TNS1: variants seen among roughly 807,000 people sequenced by gnomAD.
TNS1 encodes tensin-1.
Under a neutral mutation model 168.6 loss-of-function variants are expected in TNS1, and 62 were observed. That is an observed-to-expected ratio of 0.37 (90% CI 0.30 to 0.45). The LOEUF is 0.45. TNS1 is among the 20% of genes least tolerant of loss of function. The probability of loss-of-function intolerance (pLI) is 1.00; values close to 1 mark genes in which losing one functional copy is unlikely to be tolerated. For missense variants in TNS1, 2,240 were observed against 2,339.4 expected (o/e 0.96, Z 0.88); for synonymous variants, 934 against 933.2 (o/e 1.00, Z -0.02).
Position 217,932,775 on chromosome 2 carries a change from C to T in TNS1, c.187-12539G>A, listed in dbSNP as rs949646581. Among the ~76,000 whole-genome samples the T allele has an allele frequency of 6.6e-5, 10 of 152,184 alleles. 1 individual carries two copies. Among genetic ancestry groups the T allele is most frequent in the Admixed American group, 1.3e-4 (2 of 15,282 alleles). The stretch of plus-strand genomic sequence containing the variant: ...AGAACTTTCCATCAAAAAAATCCAC[C>T]GTTTTTCCTGAGCTCTGAATTCTTC... On this transcript the variant is annotated intron_variant, in intron 3 of 32. Transcript: ENST00000682258.
At position 217,902,847 on chromosome 2, in the gene TNS1, C is replaced by T. The variant is rs773496958; in HGVS notation, c.322-2335G>A. On this transcript the variant is annotated intron_variant, in intron 6 of 32. Transcript: ENST00000682258. The stretch of plus-strand genomic sequence containing the variant: ...AATCACTGGGCTGCCCTCTCACTGA[C>T]GGGGCTTCCTGTTTTCTGCAAAGTT... Among the ~76,000 whole-genome samples the T allele has an allele frequency of 2.6e-5, 4 of 152,178 alleles. No individual in the cohort carries two copies. In the South Asian group the frequency reaches 6.2e-4, roughly 24 times the overall value.
At chr2:217,902,288 C>A (rs1953094994) in intron 6 of TNS1, among the ~76,000 whole-genome samples, 1 of 152,200 alleles carries the variant, frequency 6.6e-6, no homozygotes, top group African/African-American at 2.4e-5. Flanking sequence ...GGCCACCCTG[C>A]TATAAATAGC....
chr2:217,942,325 C>T (rs1956953446), intron 3 of TNS1, among the ~76,000 whole-genome samples: 1 of 152,176 alleles, frequency 6.6e-6, no homozygotes, highest in Admixed American at 6.5e-5. Flanking sequence ...CCACTGCTCT[C>T]CAAATCCCTG....
chr2:217,970,538 C>T (rs1047489764), intron 3 of TNS1, among the ~76,000 whole-genome samples: 1 of 152,162 alleles, frequency 6.6e-6, no homozygotes, highest in Non-Finnish European at 1.5e-5. Flanking sequence ...ACATGGGCTA[C>T]ACTCATATAA....
intron 4 of TNS1, among the ~76,000 whole-genome samples, chr2:217,917,067 T>C (rs753078154): frequency 1.3e-5 from 2 of 152,200 alleles, no homozygotes; most frequent in Non-Finnish European, 2.9e-5. Context: ...TGCTGAGTGC[T>C]CCTGGGGAAG....
At chr2:218,014,921 A>AAGGAAGGC (rs1260656732), upstream of TNS1, among the ~76,000 whole-genome samples, 888 of 76,150 alleles carry the variant, frequency 0.012, 3 homozygotes, top group Non-Finnish European at 0.016. Context: ...GGAAGGAAGG[A>AAGGAAGGC]AGGCAGGCAG....
chr2:217,859,813 C>A, intron 18 of TNS1: 1 of 782,610 alleles, frequency 1.3e-6, no homozygotes. Context: ...GGTGAACGGC[C>A]CTCAAGTTCC....
chr2:217,947,598 G>A (rs1373373098), intron 3 of TNS1, among the ~76,000 whole-genome samples: 2 of 152,194 alleles, frequency 1.3e-5, no homozygotes, highest in African/African-American at 2.4e-5. Context: ...AATGAATTGT[G>A]TGTGTCGGGG....
intron 3 of TNS1, among the ~76,000 whole-genome samples, chr2:217,966,080 T>C (rs1957620374): frequency 6.6e-6 from 1 of 152,070 alleles, no homozygotes; most frequent in Non-Finnish European, 1.5e-5. Context: ...ACCCTCCCCC[T>C]CTCTCTAACT....
Position 217,858,210 on chromosome 2 carries a change from G to GC in TNS1, c.1430-9124dup, listed in dbSNP as rs534255989. ...AGACTTAGGACAACTCAGACACACG[G>GC]CCCCCCCACCAACCCAGATACCCTC... is the stretch of plus-strand genomic sequence containing the variant. On this transcript the variant is annotated intron_variant, in intron 18 of 32. Transcript: ENST00000682258. Among the ~76,000 whole-genome samples the GC allele has an allele frequency of 3.2e-3, 488 of 151,772 alleles. 2 individuals carry two copies. The highest frequency in any genetic ancestry group is 0.011 in the African/African-American group (452 of 41,306).
At chr2:217,928,411 C>A (rs1234295707) in intron 3 of TNS1, among the ~76,000 whole-genome samples, 1 of 152,242 alleles carries the variant, frequency 6.6e-6, no homozygotes, top group Non-Finnish European at 1.5e-5. Context: ...TCTCCAGGCT[C>A]CCTGGCCTGC....
intron 32 of TNS1, among the ~76,000 whole-genome samples, chr2:217,807,279 T>C (rs1559136098): frequency 6.6e-6 from 1 of 152,190 alleles, no homozygotes; most frequent in African/African-American, 2.4e-5. Context: ...AGATGACAGA[T>C]CATGGTGATA....
At chr2:217,977,076 C>T (rs1443514351) in intron 3 of TNS1, among the ~76,000 whole-genome samples, 1 of 152,216 alleles carries the variant, frequency 6.6e-6, no homozygotes, top group Non-Finnish European at 1.5e-5. Flanking sequence ...TCTGATAATG[C>T]ATGTGAAATG....
intron 4 of TNS1, among the ~76,000 whole-genome samples, chr2:217,911,207 T>A (rs1954366594): frequency 6.6e-6 from 1 of 151,546 alleles, no homozygotes; most frequent in African/African-American, 2.4e-5. Context: ...TCTTCCAGAG[T>A]CCCCCCTTAC....
chr2:217,910,750 A>G (rs2125812776), intron 4 of TNS1, among the ~76,000 whole-genome samples: 1 of 151,516 alleles, frequency 6.6e-6, no homozygotes, highest in African/African-American at 2.4e-5. Flanking sequence ...ACACACACAC[A>G]CACACACACA....
intron 3 of TNS1, among the ~76,000 whole-genome samples, chr2:217,925,802 C>A (rs1290306278): frequency 1.3e-5 from 2 of 152,136 alleles, no homozygotes; most frequent in East Asian, 3.9e-4. Flanking sequence ...CATTTCCCCT[C>A]CCCCAAACCC....
intron 1 of TNS1, among the ~76,000 whole-genome samples, chr2:218,015,606 C>A (rs1229476866): frequency 4.4e-4 from 67 of 152,286 alleles, no homozygotes; most frequent in Non-Finnish European, 4.4e-5. Flanking sequence ...TGCCTTCAGA[C>A]CCTCGCAGCT....
At chr2:218,003,100 T>TCCAC, upstream of TNS1, 1 of 356,156 alleles carries the variant, frequency 2.8e-6, no homozygotes. Context: ...CCTCCCAGGC[T>TCCAC]CCACCGGTGG....
chr2:218,028,155 C>T (rs1326826536), intron 1 of TNS1, among the ~76,000 whole-genome samples: 2 of 152,212 alleles, frequency 1.3e-5, no homozygotes, highest in African/African-American at 4.8e-5. Flanking sequence ...CTCAAAAAGT[C>T]CTTCTGTCAG....
Sources: gnomAD v4.1 joint callset for allele counts (sites outside exome capture counted in the v4.1 genomes callset) on GRCh38, gnomAD v4.1.1 for gene constraint, MANE v1.5 for transcripts, NCBI Gene and HGNC (gene_info 2026-07-23, HGNC 2026-07-21) for gene names.